CNTLN: variants seen among roughly 807,000 people sequenced by gnomAD.
CNTLN encodes centlein, centrosomal protein.
A neutral mutation model predicts 180.0 loss-of-function variants in CNTLN; 212 were observed. The observed-to-expected ratio is 1.18, with a 90% confidence interval of 1.05 to 1.32. The LOEUF (loss-of-function observed/expected upper bound fraction) is 1.32. Among genes scored for constraint, CNTLN ranks in the 40% most tolerant of loss-of-function variants. The pLI is 0.00. For missense variants in CNTLN, 2,095 were observed against 1,610.9 expected (o/e 1.30, Z -5.14); for synonymous variants, 722 against 563.1 (o/e 1.28, Z -3.99).
intron 2 of CNTLN, among the ~76,000 whole-genome samples, 193 bp downstream of exon 2, chr9:17,143,569 C>G (rs946592044): frequency 6.6e-6 from 1 of 152,128 alleles, no homozygotes; most frequent in African/African-American, 2.4e-5. Context: ...TGCCCTGTTC[C>G]TGTTCATATT....
intron 13 of CNTLN, among the ~76,000 whole-genome samples, chr9:17,375,057 G>A (rs193301803): frequency 3.9e-4 from 59 of 152,258 alleles, no homozygotes; most frequent in African/African-American, 1.3e-3. Context: ...AATGAATGTG[G>A]TACATACACA....
intron 6 of CNTLN, among the ~76,000 whole-genome samples, chr9:17,279,608 G>C (rs1375400685): frequency 1.3e-5 from 2 of 150,000 alleles, no homozygotes; most frequent in East Asian, 3.9e-4. Flanking sequence ...ATAGATCTTT[G>C]TTTTTGGAAG....
At chr9:17,222,721 C>T (rs1038467016) in intron 2 of CNTLN, among the ~76,000 whole-genome samples, 2 of 152,000 alleles carry the variant, frequency 1.3e-5, no homozygotes, top group African/African-American at 4.8e-5. Context: ...CTAAATCCAA[C>T]AGTCATTTCT....
At chr9:17,416,586 A>G (rs1337476219) in intron 18 of CNTLN, among the ~76,000 whole-genome samples, 1 of 152,198 alleles carries the variant, frequency 6.6e-6, no homozygotes, top group African/African-American at 2.4e-5. Flanking sequence ...TATTAAACTA[A>G]TATATTCATC....
intron 13 of CNTLN, among the ~76,000 whole-genome samples, chr9:17,370,802 A>T (rs13285704): frequency 0.25 from 37,289 of 151,956 alleles, 4,715 homozygotes; most frequent in South Asian, 0.34. Context: ...AGGCTGGACA[A>T]AGTTAAATAA....
At chr9:17,302,519 C>T (rs1444559300) in intron 7 of CNTLN, among the ~76,000 whole-genome samples, 4 of 152,000 alleles carry the variant, frequency 2.6e-5, no homozygotes, top group African/African-American at 9.7e-5. Flanking sequence ...TTAATTAGTT[C>T]GTACATAACA....
chr9:17,312,369 T>TATATATTATATATATATATATATA (rs1819235181), intron 8 of CNTLN, among the ~76,000 whole-genome samples: 1 of 34,408 alleles, frequency 2.9e-5, no homozygotes, highest in African/African-American at 7.9e-5. Flanking sequence ...ATATATTATA[T>TATATATTATATATATATATATATA]ATATATATAT....
chr9:17,482,442 A>G (rs1362422824), intron 23 of CNTLN, among the ~76,000 whole-genome samples: 1 of 152,192 alleles, frequency 6.6e-6, no homozygotes, highest in Non-Finnish European at 1.5e-5. Flanking sequence ...TTTGAAACAC[A>G]GATAAAGACC....
At chr9:17,385,066 A>G (rs1159534455) in intron 13 of CNTLN, among the ~76,000 whole-genome samples, 1 of 152,208 alleles carries the variant, frequency 6.6e-6, no homozygotes, top group Admixed American at 6.5e-5. Context: ...ATTTGCTAGA[A>G]TGGCTCAAAA....
Position 17,503,077 on chromosome 9 carries a change from A to G in CNTLN, c.*425A>G, listed in dbSNP as rs1564158784. On this transcript the variant is annotated 3_prime_UTR_variant, in exon 26 of 26. Transcript: ENST00000380647. ...GATGGCCATAAGTGGTCCAGGGAGC[A>G]ACAGATTTGTAGTATGAGCAAATAT... is the stretch of plus-strand genomic sequence containing the variant. The G allele has an allele frequency of 6.6e-6, 1 of 152,608 alleles. No individual in the cohort carries two copies. Among genetic ancestry groups the G allele is most frequent in the Non-Finnish European group, 1.5e-5 (1 of 68,290 alleles). The allele number at this position is 152,608 out of a possible 1,614,324, so 9.5% of individuals were successfully genotyped here.
intron 25 of CNTLN, among the ~76,000 whole-genome samples, chr9:17,493,615 A>T (rs976697009): frequency 6.6e-6 from 1 of 152,212 alleles, no homozygotes; most frequent in African/African-American, 2.4e-5. Context: ...ATTAGCAAGA[A>T]CATTTTTCAT....
intron 5 of CNTLN, among the ~76,000 whole-genome samples, chr9:17,247,282 G>A (rs982826577): frequency 1.3e-5 from 2 of 152,138 alleles, no homozygotes; most frequent in African/African-American, 2.4e-5. Context: ...CATTGTGACA[G>A]GGCTTGCCTG....
intron 18 of CNTLN, among the ~76,000 whole-genome samples, chr9:17,454,303 T>A (rs1157958569): frequency 2.0e-5 from 3 of 152,204 alleles, no homozygotes; most frequent in Non-Finnish European, 4.4e-5. Context: ...TAGAAATAAT[T>A]GACTACACAT....
the CNTLN span, among the ~76,000 whole-genome samples, chr9:17,522,135 C>G: frequency 6.6e-6 from 1 of 152,106 alleles, no homozygotes; most frequent in Admixed American, 6.5e-5. Flanking sequence ...TGACATAGGA[C>G]TACCTAGCTC....
At position 17,371,850 on chromosome 9, in the gene CNTLN, G is replaced by A. The variant is rs138792235; in HGVS notation, c.1987+5133G>A. Reference sequence around the variant, plus strand: ...TGCAGACATATGGAAATTAAACAATGTGCTCCTGAATGACCCGTGTGTCAA... The same window carrying A: ...TGCAGACATATGGAAATTAAACAATATGCTCCTGAATGACCCGTGTGTCAA... On this transcript the variant is annotated intron_variant, in intron 13 of 25. Coordinates refer to ENST00000380647, the MANE Select transcript of CNTLN (RefSeq NM_017738.4). 8.9e-3 allele frequency among the ~76,000 whole-genome samples: 1,352 copies of A among 152,194 alleles called. 16 individuals are homozygous for A. The highest frequency in any genetic ancestry group is 0.03 in the African/African-American group (1,236 of 41,550).
the CNTLN span, among the ~76,000 whole-genome samples, chr9:17,528,402 G>C: frequency 6.6e-6 from 1 of 152,136 alleles, no homozygotes; most frequent in Admixed American, 6.5e-5. Context: ...ATTATGAAGA[G>C]GACATTAGAC....
At chr9:17,257,125 C>T (rs142631859) in intron 5 of CNTLN, among the ~76,000 whole-genome samples, 10 of 151,366 alleles carry the variant, frequency 6.6e-5, no homozygotes, top group African/African-American at 2.2e-4. Flanking sequence ...ATCCCTCCCC[C>T]CTCCTCCCAC....
chr9:17,270,190 C>T (rs910075572), intron 5 of CNTLN, among the ~76,000 whole-genome samples: 1 of 151,834 alleles, frequency 6.6e-6, no homozygotes, highest in African/African-American at 2.4e-5. Flanking sequence ...TAATATAAAA[C>T]CAGTTTGTTC....
At chr9:17,404,778 G>C (rs2584545) in intron 15 of CNTLN, among the ~76,000 whole-genome samples, 129,988 of 147,672 alleles carry the variant, frequency 0.88, 57,515 homozygotes, top group Non-Finnish European at 0.92. Flanking sequence ...TGCTCTGTCT[G>C]CCAGGCTGGA....
Sources: gnomAD v4.1 joint callset for allele counts (sites outside exome capture counted in the v4.1 genomes callset) on GRCh38, gnomAD v4.1.1 for gene constraint, MANE v1.5 for transcripts, NCBI Gene and HGNC (gene_info 2026-07-23, HGNC 2026-07-21) for gene names.